Variants in ZNF446 observed in about 807,000 individuals in gnomAD.
ZNF446 encodes zinc finger protein with KRAB and SCAN domains 20.
Under a neutral mutation model 34.0 loss-of-function variants are expected in ZNF446, and 42 were observed. The observed-to-expected ratio is 1.23, with a 90% CI of 0.96 to 1.60. The LOEUF (loss-of-function observed/expected upper bound fraction) is 1.60. Ranked by LOEUF, ZNF446 falls within the 40% of genes most tolerant of loss-of-function variation. The probability of loss-of-function intolerance (pLI) is 0.00; values close to 1 mark genes in which losing one functional copy is unlikely to be tolerated. For missense variants in ZNF446, 650 were observed against 600.2 expected, an observed-to-expected ratio of 1.08 and a Z score of -0.87; for synonymous variants, 315 against 251.0, an observed-to-expected ratio of 1.25 and a Z score of -2.41.
intron 4 of ZNF446, among the ~76,000 whole-genome samples, chr19:58,478,899 T>C (rs895707189): frequency 1.3e-5 from 2 of 152,014 alleles, no homozygotes; most frequent in Non-Finnish European, 2.9e-5. Flanking sequence ...ATGGAGACAC[T>C]CTCCCTGGGA....
chr19:58,477,370 G>C lies in ZNF446; in HGVS notation c.152G>C (p.Cys51Ser), dbSNP rs1355509954. 1.2e-6 allele frequency: 2 copies of C among 1,613,388 alleles called. No individual in the cohort carries two copies. The highest frequency in any genetic ancestry group is 1.7e-5 in the Admixed American group (1 of 60,006). The change falls in exon 2 of 7, where the codon TGT becomes TCT. Residue 51 changes from cysteine to serine, a missense_variant. Transcript: ENST00000594369. The stretch of plus-strand genomic sequence containing the variant: ...GCCCTGGCCCGGCTGCGTGAGCTGT[G>C]TTGCCAGTGGCTGCAGCCTGAGGCA... ...REALARLRELCCQWLQPEAHS... is the reference protein window; with the variant it reads ...REALARLRELSCQWLQPEAHS...
rs1387087726 is a variant in ZNF446, at chr19:58,477,826, G to A, written c.532G>A (p.Ala178Thr). Residue 178 changes from alanine (A) to threonine (T), a missense_variant and splice_region_variant, in exon 3 of 7, where the codon GCA becomes ACA. By Grantham distance (58) the Ala-to-Thr change is moderately conservative. Coordinates refer to ENST00000594369, the MANE Select transcript of ZNF446 (RefSeq NM_017908.4). ...GCCCAATGTCGATGGACAGGAAGTG[G>A]GTGAGGTTGGGGTCCCACCAGAGAT... ...EEPNVDGQEV[A>T]PSSPPLAAQS... 1.3e-6 allele frequency: 2 copies of A among 1,546,774 alleles called. No individual in the cohort carries two copies. Among genetic ancestry groups the A allele is most frequent in the Non-Finnish European group, 1.7e-6 (2 of 1,149,312 alleles).
rs2053117451 is a variant in ZNF446 at position 58,479,464 on chromosome 19, G to C, written c.628-179G>C. On this transcript the variant is annotated intron_variant, in intron 4 of 6. Coordinates refer to ENST00000594369, the MANE Select transcript of ZNF446 (RefSeq NM_017908.4). ...TGAGTGCTGGCAGCAGCACTGGTCA[G>C]GTGATCTGAAGGAGAACCTCTGCAC... The C allele has an allele frequency of 4.7e-6, 3 of 637,770 alleles. No individual in the cohort carries two copies. In the East Asian group the frequency reaches 8.3e-5, roughly 18 times the overall value. The allele number at this position is 637,770 out of a possible 1,614,324, so 39.5% of individuals were successfully genotyped here. A position where few individuals can be genotyped will look rare whatever the true frequency, so the allele number is the denominator to read the frequency against.
intron 4 of ZNF446, 79 bp from the exon 5 acceptor site, chr19:58,479,564 G>A (rs941284520): frequency 8.0e-6 from 12 of 1,492,504 alleles, no homozygotes; most frequent in African/African-American, 5.5e-5. Context: ...TGACTCTTCC[G>A]GGTAATAGGT....
At chr19:58,478,036 G>T in intron 3 of ZNF446, 51 bp from the exon 4 acceptor site, 1 of 1,538,650 alleles carries the variant, frequency 6.5e-7, no homozygotes, top group Non-Finnish European at 8.9e-7. Flanking sequence ...ATCTGCCATG[G>T]CTCATGTGGG....
the ZNF446 span, among the ~76,000 whole-genome samples, chr19:58,487,681 C>T: frequency 4.6e-5 from 7 of 151,584 alleles, no homozygotes; most frequent in East Asian, 1.9e-4. Flanking sequence ...TGATGGTGGG[C>T]GCCTGTAATC....
Position 58,480,332 on chromosome 19 carries a change from C to G in ZNF446, c.959C>G (p.Thr320Arg). 3.1e-6 allele frequency: 5 copies of G among 1,590,850 alleles called. No individual in the cohort carries two copies. Among genetic ancestry groups the G allele is most frequent in the Non-Finnish European group, 4.3e-6 (5 of 1,169,522 alleles). Residue 320 changes from threonine to arginine, a missense_variant, in exon 7 of 7, where the codon ACG becomes AGG. Transcript: ENST00000594369. The surrounding 1 kb of genome is among the most constrained non-coding windows in gnomAD (Gnocchi z 7.2). Reference sequence around the variant, plus strand: ...CCCACTCAGCCCACACCTGCAGAGACGAGACTGGAGCCGGCTGCCACCCCC... The same window carrying G: ...CCCACTCAGCCCACACCTGCAGAGAGGAGACTGGAGCCGGCTGCCACCCCC... The part of the protein sequence containing the change: ...PVPTQPTPAE[T>R]RLEPAATPRK...
At chr19:58,477,098 A>C (rs1393882151) in intron 1 of ZNF446, 81 bp from the exon 2 acceptor site, 16 of 857,404 alleles carry the variant, frequency 1.9e-5, no homozygotes, top group Non-Finnish European at 2.7e-5. Flanking sequence ...TCCTGGTCTC[A>C]GCCCCCTGGG....
rs1023190771 is a variant in ZNF446 at position 58,477,153 on chromosome 19, A to G, written c.-40-26A>G. ...TCCCCTGGCCAGATTCTCTTGGCTG[A>G]CATTCCGACCCTTCCTTTTCTGTAG... On this transcript the variant is annotated intron_variant, in intron 1 of 6. Transcript: ENST00000594369. 2.1e-5 allele frequency: 30 copies of G among 1,407,636 alleles called. No homozygotes were observed. In the African/African-American group the frequency reaches 3.7e-4, roughly 18 times the overall value. The allele number at this position is 1,407,636 out of a possible 1,614,324, so 87.2% of individuals were successfully genotyped here.
chr19:58,476,787 C>A (rs1449147789), intron 1 of ZNF446, among the ~76,000 whole-genome samples: 1 of 152,110 alleles, frequency 6.6e-6, no homozygotes, highest in Non-Finnish European at 1.5e-5. Flanking sequence ...GCCCCACCTT[C>A]TACCCGCCCA....
In ZNF446 at chr19:58,479,679, C is replaced by T; in HGVS notation, c.664C>T (p.Leu222=). ...WGLLDRSQKE[L]YWDAMLEKYG... ...GCTGCTGGACCGGTCACAGAAGGAA[C>T]TGTACTGGGATGCGATGCTGGAGAA... The change falls in exon 5 of 7, where the codon CTG becomes TTG. Residue 222 remains leucine, a synonymous_variant. Transcript: ENST00000594369. 1 of 1,613,894 alleles carries T rather than the reference C, an allele frequency of 6.2e-7. No homozygotes were observed. Among genetic ancestry groups the T allele is most frequent in the South Asian group, 1.1e-5 (1 of 91,048 alleles).
Position 58,480,936 on chromosome 19 carries a change from T to C in ZNF446, c.*210T>C. The C allele has an allele frequency of 1.6e-6, 1 of 637,930 alleles. No individual in the cohort carries two copies. Among genetic ancestry groups the C allele is most frequent in the Non-Finnish European group, 2.6e-6 (1 of 377,528 alleles). 39.5% of individuals were successfully genotyped at this position (637,930 alleles called of 1,614,324 possible). A position where few individuals can be genotyped will look rare whatever the true frequency, so the allele number is the denominator to read the frequency against. On this transcript the variant is annotated 3_prime_UTR_variant, in exon 7 of 7. Transcript: ENST00000594369. The surrounding 1 kb of genome is among the most constrained non-coding windows in gnomAD (Gnocchi z 7.2). Reference sequence around the variant, plus strand: ...TCTCTCTCTTCTTGCCCCTGCCTCCTAGAGGGAGGTCTGGGTTCCCTTCTA... The same window carrying C: ...TCTCTCTCTTCTTGCCCCTGCCTCCCAGAGGGAGGTCTGGGTTCCCTTCTA...
downstream of ZNF446, among the ~76,000 whole-genome samples, chr19:58,481,777 GGTTTTGTTTT>G (rs113757723): frequency 0.15 from 23,223 of 151,814 alleles, 1,947 homozygotes; most frequent in Non-Finnish European, 0.18. Context: ...CTAAAATCAA[GGTTTTGTTTT>G]GTTTTGTTTT....
chr19:58,480,389 G>C lies in ZNF446; in HGVS notation c.1016G>C (p.Arg339Pro). ...RKPYTCEQCG[R>P]GFDWKSVFVI... ...CCCTACACGTGCGAGCAGTGTGGCC[G>C]CGGCTTCGACTGGAAGTCAGTGTTC... The change falls in exon 7 of 7, where the codon CGC (arginine) becomes CCC (proline). Residue 339 changes from arginine (R) to proline (P), a missense_variant. Arg to Pro is a moderately radical substitution (Grantham distance 103). Transcript: ENST00000594369. This position sits in a 1 kb window ranked among gnomAD's most constrained non-coding sequence, Gnocchi z 7.2. The C allele has an allele frequency of 6.2e-7, 1 of 1,611,502 alleles. No homozygotes were observed. The highest frequency in any genetic ancestry group is 8.5e-7 in the Non-Finnish European group (1 of 1,179,240).
the ZNF446 span, among the ~76,000 whole-genome samples, chr19:58,488,949 C>T: frequency 1.3e-5 from 2 of 152,002 alleles, no homozygotes; most frequent in Admixed American, 1.3e-4. Flanking sequence ...CTGAAACTGC[C>T]TTTGCAAAAT....
At position 58,480,819 on chromosome 19, in the gene ZNF446, G is replaced by A. The variant is rs762271308; in HGVS notation, c.*93G>A. On this transcript the variant is annotated 3_prime_UTR_variant, in exon 7 of 7. Coordinates refer to ENST00000594369, the MANE Select transcript of ZNF446 (RefSeq NM_017908.4). This position sits in a 1 kb window ranked among gnomAD's most constrained non-coding sequence, Gnocchi z 7.2. ...CAGCAGAAGACTCTGGAGGCAGCAG[G>A]GGATGCCAGAGTGAACAAGGGGTCC... 1.2e-4 allele frequency: 172 copies of A among 1,452,874 alleles called. No homozygotes were observed. The highest frequency in any genetic ancestry group is 3.9e-4 in the Middle Eastern group (2 of 5,166). The allele number at this position is 1,452,874 out of a possible 1,614,324, so 90.0% of individuals were successfully genotyped here. A position where few individuals can be genotyped will look rare whatever the true frequency, so the allele number is the denominator to read the frequency against.
chr19:58,480,991 C>G lies in ZNF446; in HGVS notation c.*265C>G, dbSNP rs1223179397. On this transcript the variant is annotated 3_prime_UTR_variant, in exon 7 of 7. Coordinates refer to ENST00000594369, the MANE Select transcript of ZNF446 (RefSeq NM_017908.4). The surrounding 1 kb of genome is among the most constrained non-coding windows in gnomAD (Gnocchi z 7.2). Reference sequence around the variant, plus strand: ...TGACCAGTGCCTGTGGGGTGACTGCCAAGCACCAGGCTCCCTCCCTCCCTG... The same window carrying G: ...TGACCAGTGCCTGTGGGGTGACTGCGAAGCACCAGGCTCCCTCCCTCCCTG... The G allele has an allele frequency of 6.0e-6, 3 of 499,922 alleles. No homozygotes were observed. Among genetic ancestry groups the G allele is most frequent in the Admixed American group, 6.7e-5 (2 of 30,018 alleles). The allele number at this position is 499,922 out of a possible 1,614,324, so 31.0% of individuals were successfully genotyped here.
rs767223564 is a variant in ZNF446 at position 58,479,629 on chromosome 19, G to A, written c.628-14G>A. On this transcript the variant is annotated splice_polypyrimidine_tract_variant and intron_variant, in intron 4 of 6. Coordinates refer to ENST00000594369, the MANE Select transcript of ZNF446 (RefSeq NM_017908.4). ...GGGTGGAAAGACGCCTACAGTGATG[G>A]GCCACATCCGCAGGAGGAGTGGGGG... 6.0e-5 allele frequency: 96 copies of A among 1,613,058 alleles called. 2 individuals carry two copies. In the South Asian group the frequency reaches 9.8e-4, roughly 16 times the overall value.
downstream of ZNF446, among the ~76,000 whole-genome samples, chr19:58,484,910 T>C (rs993098645): frequency 6.6e-6 from 1 of 151,778 alleles, no homozygotes; most frequent in Non-Finnish European, 1.5e-5. Context: ...ATACAAAAAT[T>C]AGCCAGGTGT....
Sources: gnomAD v4.1 joint callset for allele counts (sites outside exome capture counted in the v4.1 genomes callset) on GRCh38, gnomAD v4.1.1 for gene constraint, Gnocchi (gnomAD v3.1) non-coding constraint, MANE v1.5 for transcripts, NCBI Gene and HGNC (gene_info 2026-07-23, HGNC 2026-07-21) for gene names.